Variants in VPS53 observed in about 807,000 individuals in gnomAD.
The protein encoded by VPS53 is VPS53 subunit of GARP complex.
VPS53 carries 70 observed loss-of-function variants against 107.0 expected under a neutral mutation model. The ratio of observed to expected loss-of-function variants is 0.65; its 90% CI spans 0.54 to 0.80. The LOEUF (loss-of-function observed/expected upper bound fraction) is 0.80, where lower values mean the gene tolerates loss of function less well. Among genes scored for constraint, VPS53 ranks in the 30% least tolerant of loss-of-function variants. The probability of loss-of-function intolerance (pLI) is 0.00; values close to 1 mark genes in which losing one functional copy is unlikely to be tolerated. For missense variants in VPS53, 917 were observed against 1,049.4 expected (o/e 0.87, Z 1.74); for synonymous variants, 409 against 393.3 (o/e 1.04, Z -0.47).
chr17:652,290 C>T (rs1342525463), intron 7 of VPS53, among the ~76,000 whole-genome samples: 5 of 152,142 alleles, frequency 3.3e-5, no homozygotes, highest in African/African-American at 7.2e-5. Context: ...CCACCATACC[C>T]GGCCGTGGCT....
chr17:690,342 T>C (rs938287090), intron 4 of VPS53, among the ~76,000 whole-genome samples: 2 of 152,254 alleles, frequency 1.3e-5, no homozygotes, highest in Non-Finnish European at 2.9e-5. Context: ...GGGACAGTAC[T>C]GGCCCACAGA....
intron 13 of VPS53, among the ~76,000 whole-genome samples, chr17:583,222 G>C (rs1013181474): frequency 7.8e-6 from 1 of 128,750 alleles, no homozygotes; most frequent in African/African-American, 3.0e-5. Context: ...CAGAACCTCA[G>C]TGAGTTCCCA....
intron 17 of VPS53, among the ~76,000 whole-genome samples, chr17:551,378 GC>G (rs1300864150): frequency 1.3e-5 from 2 of 152,100 alleles, no homozygotes; most frequent in African/African-American, 2.4e-5. Context: ...ACCAGCCTGG[GC>G]AACATAGCAA....
chr17:603,186 A>G (rs961089445), intron 11 of VPS53, among the ~76,000 whole-genome samples: 34 of 152,326 alleles, frequency 2.2e-4, no homozygotes, highest in Non-Finnish European at 2.9e-5. Flanking sequence ...GCACTTTGGG[A>G]GGCTGAGGCG....
At chr17:636,644 C>G (rs1970208907) in intron 7 of VPS53, among the ~76,000 whole-genome samples, 1 of 152,186 alleles carries the variant, frequency 6.6e-6, no homozygotes, top group Non-Finnish European at 1.5e-5. Context: ...TGAATTTTGT[C>G]AAAGGCCTTT....
At chr17:595,658 G>C (rs1305618609) in intron 12 of VPS53, among the ~76,000 whole-genome samples, 56 of 116,204 alleles carry the variant, frequency 4.8e-4, no homozygotes, top group African/African-American at 1.7e-3. Context: ...TCAATTTCCT[G>C]GTTTGATGAT....
chr17:642,990 T>C (rs1439983340), intron 7 of VPS53, among the ~76,000 whole-genome samples: 1 of 119,594 alleles, frequency 8.4e-6, no homozygotes, highest in Non-Finnish European at 2.0e-5. Flanking sequence ...ACAACACTCA[T>C]ACTTGGAAAG....
intron 13 of VPS53, among the ~76,000 whole-genome samples, chr17:566,020 G>A (rs1428058058): frequency 6.6e-6 from 1 of 151,686 alleles, no homozygotes; most frequent in Non-Finnish European, 1.5e-5. Flanking sequence ...CGGCTAAAAC[G>A]GTGAAACCCC....
intron 13 of VPS53, among the ~76,000 whole-genome samples, chr17:570,362 G>A (rs577999369): frequency 1.2e-4 from 11 of 95,254 alleles, no homozygotes; most frequent in South Asian, 4.5e-4. Context: ...AGAGTGAAAC[G>A]ACTCTGTCTC....
At chr17:701,231 T>G (rs915370838) in intron 2 of VPS53, among the ~76,000 whole-genome samples, 1 of 151,892 alleles carries the variant, frequency 6.6e-6, no homozygotes, top group Non-Finnish European at 1.5e-5. Context: ...GAGGCTGAGG[T>G]GGGAGGATCA....
rs1042495344 is a variant in VPS53, at chr17:540,043, G to A, written c.1867-2867C>T. On this transcript the variant is annotated intron_variant, in intron 17 of 21. Coordinates refer to ENST00000437048, the MANE Select transcript of VPS53 (RefSeq NM_001128159.3). ...TAAAGCCCAAACCCCACAACAAGGT[G>A]CTTGCTAGACAACTTCCCCCCCGAC... 3.8e-4 allele frequency among the ~76,000 whole-genome samples: 57 copies of A among 151,904 alleles called. 1 individual carries two copies. Among genetic ancestry groups the A allele is most frequent in the Admixed American group, 7.2e-4 (11 of 15,218 alleles).
chr17:710,701 C>T (rs1442722513), intron 1 of VPS53, 88 bp from the exon 2 acceptor site: 42 of 1,044,468 alleles, frequency 4.0e-5, no homozygotes, highest in East Asian at 1.6e-4. Flanking sequence ...AGGAAAGGGC[C>T]GGGCACGGTG....
intron 4 of VPS53, among the ~76,000 whole-genome samples, chr17:689,332 AG>A: frequency 6.6e-6 from 1 of 152,260 alleles, no homozygotes; most frequent in African/African-American, 2.4e-5. Context: ...CACTTGAGAC[AG>A]GGTCCCCAGG....
intron 4 of VPS53, among the ~76,000 whole-genome samples, chr17:690,615 T>A (rs1355580310): frequency 6.6e-6 from 1 of 152,222 alleles, no homozygotes; most frequent in African/African-American, 2.4e-5. Flanking sequence ...GACATCTGTT[T>A]GCGACTCTTG....
At chr17:640,337 C>T (rs941180402) in intron 7 of VPS53, among the ~76,000 whole-genome samples, 2 of 152,132 alleles carry the variant, frequency 1.3e-5, no homozygotes, top group South Asian at 2.1e-4. Flanking sequence ...TCCCTGACCC[C>T]TTGCGCTTCC....
chr17:658,912 C>A (rs370306591), intron 5 of VPS53, among the ~76,000 whole-genome samples: 1 of 152,132 alleles, frequency 6.6e-6, no homozygotes, highest in African/African-American at 2.4e-5. Flanking sequence ...CTGCACAGCT[C>A]AATTCCACAC....
intron 20 of VPS53, 112 bp downstream of exon 20, chr17:521,489 G>T: frequency 8.2e-7 from 1 of 1,225,576 alleles, no homozygotes; most frequent in Non-Finnish European, 1.1e-6. Context: ...CAAGAATGTG[G>T]ACCATGCTTT....
At chr17:610,442 G>A (rs1309650565) in intron 11 of VPS53, among the ~76,000 whole-genome samples, 1 of 152,114 alleles carries the variant, frequency 6.6e-6, no homozygotes, top group Non-Finnish European at 1.5e-5. Context: ...GGAAACCTAG[G>A]TAAGTCTCTG....
chr17:696,121 C>A (rs953910565), intron 4 of VPS53, among the ~76,000 whole-genome samples: 1 of 152,108 alleles, frequency 6.6e-6, no homozygotes, highest in Non-Finnish European at 1.5e-5. Context: ...GTTTTAGGAA[C>A]CTAATGTGTC....
Sources: allele counts gnomAD v4.1 joint callset (sites outside exome capture counted in the v4.1 genomes callset), GRCh38; gene constraint gnomAD v4.1.1; transcripts MANE v1.5; gene names NCBI Gene and HGNC (gene_info 2026-07-23, HGNC 2026-07-21).